The following DENND4C variants were observed in gnomAD, a reference collection of about 807,000 sequenced individuals.
The protein encoded by DENND4C is DENN domain containing 4C, also known as DENN domain-containing protein 4C.
Under a neutral mutation model 203.0 loss-of-function variants are expected in DENND4C, and 108 were observed. The observed-to-expected ratio is 0.53, with a 90% CI of 0.46 to 0.62. The LOEUF (loss-of-function observed/expected upper bound fraction) is 0.62. DENND4C is among the 20% of genes least tolerant of loss of function. The pLI is 0.00. For missense variants in DENND4C, 2,481 were observed against 2,301.2 expected (o/e 1.08, Z -1.60); for synonymous variants, 871 against 792.4 (o/e 1.10, Z -1.67).
intron 1 of DENND4C, among the ~76,000 whole-genome samples, chr9:19,245,580 G>A (rs929751297): frequency 6.6e-6 from 1 of 151,708 alleles, no homozygotes; most frequent in African/African-American, 2.4e-5. Flanking sequence ...CATTGGGCCG[G>A]GCGCGGTGGC....
At chr9:19,304,379 T>C (rs1409952376) in intron 9 of DENND4C, among the ~76,000 whole-genome samples, 1 of 151,836 alleles carries the variant, frequency 6.6e-6, no homozygotes, top group African/African-American at 2.4e-5. Flanking sequence ...AAACATGGTT[T>C]GTACATCTTG....
At chr9:19,334,130 C>T (rs1473860946) in intron 17 of DENND4C, among the ~76,000 whole-genome samples, 4 of 152,136 alleles carry the variant, frequency 2.6e-5, no homozygotes, top group Non-Finnish European at 5.9e-5. Context: ...CTACAATCTC[C>T]GACTCCCGGG....
intron 30 of DENND4C, among the ~76,000 whole-genome samples, chr9:19,364,269 A>T (rs1827146209): frequency 2.6e-5 from 4 of 152,198 alleles, no homozygotes; most frequent in South Asian, 4.1e-4. Flanking sequence ...AAGATTGTTT[A>T]AAAAAATTTA....
chr9:19,329,272 A>T, intron 16 of DENND4C, among the ~76,000 whole-genome samples: 1 of 152,178 alleles, frequency 6.6e-6, no homozygotes. Context: ...TTCTGTCTAC[A>T]AATTTGTCTA....
At chr9:19,334,002 G>A (rs1313168501) in intron 17 of DENND4C, among the ~76,000 whole-genome samples, 1 of 151,988 alleles carries the variant, frequency 6.6e-6, no homozygotes, top group Non-Finnish European at 1.5e-5. Flanking sequence ...ATAGTGATTG[G>A]GGAGAGAGAG....
Position 19,346,842 on chromosome 9 carries a change from G to A in DENND4C, c.4073G>A (p.Arg1358His), listed in dbSNP as rs148378007. ...AVSRSKTFTG[R>H]FKQQTPSRTH... ...TCCAGGTCTAAAACTTTTACTGGGC[G>A]TTTCAAGCAGCAAACCCCCTCTCGA... The change falls in exon 23 of 33, where the codon CGT (arginine) becomes CAT (histidine). Residue 1358 changes from arginine (R) to histidine (H), a missense_variant. By Grantham distance (29) the Arg-to-His change is conservative. Transcript: ENST00000434457. The A allele has an allele frequency of 1.8e-5, 29 of 1,614,082 alleles. No homozygotes were observed. Among genetic ancestry groups the A allele is most frequent in the Non-Finnish European group, 2.2e-5 (26 of 1,180,040 alleles).
intron 10 of DENND4C, among the ~76,000 whole-genome samples, chr9:19,312,249 G>A (rs571511044): frequency 3.3e-5 from 5 of 152,168 alleles, no homozygotes; most frequent in African/African-American, 7.2e-5. Flanking sequence ...GATTACAGGC[G>A]TGTACACCGT....
chr9:19,348,329 A>G (rs868781479), intron 23 of DENND4C, among the ~76,000 whole-genome samples: 9 of 152,330 alleles, frequency 5.9e-5, no homozygotes, highest in Middle Eastern at 6.8e-3. Flanking sequence ...CTTAGAAGCG[A>G]TATCTCAGGA....
chr9:19,266,527 T>C (rs1036281833), intron 1 of DENND4C, among the ~76,000 whole-genome samples: 1 of 152,200 alleles, frequency 6.6e-6, no homozygotes, highest in Non-Finnish European at 1.5e-5. Context: ...AAGACAATCC[T>C]AAGCCAAAAG....
At chr9:19,264,587 G>T (rs1163227893) in intron 1 of DENND4C, among the ~76,000 whole-genome samples, 1 of 152,138 alleles carries the variant, frequency 6.6e-6, no homozygotes, top group Non-Finnish European at 1.5e-5. Context: ...GATTACAGGC[G>T]TTAGCCACCA....
rs1842941753 is a variant in DENND4C, at chr9:19,321,853, G to GGC, written c.1808-2509_1808-2508insGC. 3.6e-5 allele frequency among the ~76,000 whole-genome samples: 5 copies of GGC among 138,014 alleles called. No homozygotes were observed. The Admixed American group carries it at 3.7e-4, about 10-fold the overall frequency. The allele number at this position is 138,014 out of a possible 152,430, so 90.5% of individuals were successfully genotyped here. A position where few individuals can be genotyped will look rare whatever the true frequency, so the allele number is the denominator to read the frequency against. ...TCTCAAAAAAAAAAAAAAAAAAAGA[G>GGC]AAATAGCTAATAGAGAGGGAGATTT... is the stretch of plus-strand genomic sequence containing the variant. On this transcript the variant is annotated intron_variant, in intron 12 of 32. Coordinates refer to ENST00000434457, the MANE Select transcript of DENND4C (RefSeq NM_001330640.2).
intron 1 of DENND4C, among the ~76,000 whole-genome samples, chr9:19,266,799 T>G (rs1311220797): frequency 6.6e-6 from 1 of 152,220 alleles, no homozygotes; most frequent in African/African-American, 2.4e-5. Context: ...ACTGGATCCC[T>G]TCCTTACACC....
chr9:19,364,304 A>C (rs950430005), intron 30 of DENND4C, among the ~76,000 whole-genome samples: 3 of 152,234 alleles, frequency 2.0e-5, no homozygotes, highest in Admixed American at 6.5e-5. Context: ...TGTTTGGGGA[A>C]CACTTTCATA....
At position 19,332,122 on chromosome 9, in the gene DENND4C, C is replaced by G; in HGVS notation, c.2398C>G (p.Leu800Val). The change falls in exon 17 of 33, where the codon CTT becomes GTT. Residue 800 changes from leucine to valine, a missense_variant. Physicochemically the swap from Leu to Val is conservative, Grantham distance 32. This residue lies in a region of DENND4C where 2,289 missense variants were observed against 2,113.3 expected (regional missense o/e 1.08). Coordinates refer to ENST00000434457, the MANE Select transcript of DENND4C (RefSeq NM_001330640.2). ...VRVSHPKVRA[L>V]QQAYDVLIKM... ...AGTTTCTCATCCTAAAGTCAGAGCACTTCAGCAGGCATATGATGTACTTAT... is the reference window on the plus strand; with the variant it reads ...AGTTTCTCATCCTAAAGTCAGAGCAGTTCAGCAGGCATATGATGTACTTAT... 1.2e-6 allele frequency: 2 copies of G among 1,614,012 alleles called. No homozygotes were observed. The highest frequency in any genetic ancestry group is 8.5e-7 in the Non-Finnish European group (1 of 1,179,968).
chr9:19,286,977 C>T lies in DENND4C; in HGVS notation c.514C>T (p.Pro172Ser). The change falls in exon 3 of 33, where the codon CCT becomes TCT. Residue 172 changes from proline to serine, a missense_variant. Pro to Ser is a moderately conservative substitution (Grantham distance 74). Coordinates refer to ENST00000434457, the MANE Select transcript of DENND4C (RefSeq NM_001330640.2). ...VIVTSKGETP[P>S]HTFCKVDKNL... Reference sequence around the variant, plus strand: ...TGTAACCAGTAAAGGAGAAACTCCTCCTCATACCTTCTGCAAAGTTGACAA... The same window carrying T: ...TGTAACCAGTAAAGGAGAAACTCCTTCTCATACCTTCTGCAAAGTTGACAA... 1 of 1,232,074 alleles carries T rather than the reference C, an allele frequency of 8.1e-7. No homozygotes were observed. The highest frequency in any genetic ancestry group is 1.0e-6 in the Non-Finnish European group (1 of 987,938). The allele number at this position is 1,232,074 out of a possible 1,614,324, so 76.3% of individuals were successfully genotyped here. A position where few individuals can be genotyped will look rare whatever the true frequency, so the allele number is the denominator to read the frequency against.
chr9:19,349,177 G>A (rs1823551252), intron 23 of DENND4C, among the ~76,000 whole-genome samples: 1 of 152,118 alleles, frequency 6.6e-6, no homozygotes, highest in Non-Finnish European at 1.5e-5. Flanking sequence ...AGAGGTTGAA[G>A]TGGGCATTTG....
In DENND4C at chr9:19,331,936, A is replaced by G. The variant is rs1819305758; in HGVS notation, c.2254-42A>G. ...CCTTCTCACTTCTCCCCTCACCCTA[A>G]TGAATTTTAGTAAATATCATAATAT... On this transcript the variant is annotated intron_variant, in intron 16 of 32. Transcript: ENST00000434457. 2.6e-6 allele frequency: 4 copies of G among 1,539,998 alleles called. No homozygotes were observed. The South Asian group carries it at 4.6e-5, about 18-fold the overall frequency.
intron 1 of DENND4C, among the ~76,000 whole-genome samples, chr9:19,241,628 G>A (rs10757039): frequency 0.81 from 123,005 of 151,728 alleles, 50,255 homozygotes; most frequent in Admixed American, 0.87. Context: ...CTACCTTCAC[G>A]TCTTGTCCTA....
At chr9:19,281,389 T>G (rs146344073) in intron 2 of DENND4C, among the ~76,000 whole-genome samples, 73 of 151,974 alleles carry the variant, frequency 4.8e-4, no homozygotes, top group Middle Eastern at 3.4e-3. Flanking sequence ...CTCCTCACTT[T>G]CCCCCCACTC....
Sources: gnomAD v4.1 joint callset for allele counts (sites outside exome capture counted in the v4.1 genomes callset) on GRCh38, gnomAD v4.1.1 for gene constraint, gnomAD v4.1.1 regional missense constraint, MANE v1.5 for transcripts, NCBI Gene and HGNC (gene_info 2026-07-23, HGNC 2026-07-21) for gene names.